Variants in REEP5 observed in about 807,000 individuals in gnomAD.
REEP5 encodes the protein receptor expression-enhancing protein 5.
REEP5 carries 24 observed loss-of-function variants against 22.4 expected under a neutral mutation model. The observed-to-expected ratio is 1.07, with a 90% CI of 0.78 to 1.51. REEP5 has a LOEUF of 1.51. Ranked by LOEUF, REEP5 falls within the 40% of genes most tolerant of loss-of-function variation. REEP5 has a pLI of 0.00. For synonymous variants in REEP5, 103 were observed against 88.6 expected (o/e 1.16, Z -0.92); for missense variants, 252 against 233.0 (o/e 1.08, Z -0.53).
At chr5:112,893,329 G>C in intron 3 of REEP5, 1 of 233,816 alleles carries the variant, frequency 4.3e-6, no homozygotes, top group Non-Finnish European at 8.5e-6. Flanking sequence ...AGAATCGCTT[G>C]AATCTGGAAG....
At chr5:112,891,657 G>C (rs767922349) in intron 3 of REEP5, 1 of 1,610,932 alleles carries the variant, frequency 6.2e-7, no homozygotes, top group South Asian at 1.1e-5. Flanking sequence ...CACTTGAGAA[G>C]ATGACGTTTC....
rs796149854 is a variant in REEP5 at position 112,901,970 on chromosome 5, G to GAA, written c.351+408_351+409dup. 7.4e-5 allele frequency among the ~76,000 whole-genome samples: 5 copies of GAA among 67,506 alleles called. No individual in the cohort carries two copies. The South Asian group carries it at 1.5e-3, about 20-fold the overall frequency. 44.3% of individuals were successfully genotyped at this position (67,506 alleles called of 152,430 possible). On this transcript the variant is annotated intron_variant, in intron 3 of 4. Transcript: ENST00000379638. ...GGAGCAAGACTCCATCTCAAAAAAA[G>GAA]AAAAAAAAAAAAAAAGGCTAAGACC...
chr5:112,921,923 G>A (rs1769381740), intron 1 of REEP5, 150 bp downstream of exon 1: 2 of 1,011,530 alleles, frequency 2.0e-6, no homozygotes, highest in Non-Finnish European at 2.7e-6. Context: ...CACGCTTTCC[G>A]GGAGGCCAGC....
chr5:112,918,929 G>A (rs761034426), intron 2 of REEP5, among the ~76,000 whole-genome samples: 1 of 152,114 alleles, frequency 6.6e-6, no homozygotes, highest in Non-Finnish European at 1.5e-5. Flanking sequence ...CTTACCACAC[G>A]GTCACTACTT....
chr5:112,888,669 A>G (rs1021158669), intron 3 of REEP5, among the ~76,000 whole-genome samples: 1 of 149,712 alleles, frequency 6.7e-6, no homozygotes, highest in African/African-American at 2.5e-5. Context: ...AGTAAAAAGT[A>G]ACTCTTGAAA....
In REEP5 at chr5:112,878,658, C is replaced by A; in HGVS notation, c.*128G>T. On this transcript the variant is annotated 3_prime_UTR_variant, in exon 5 of 5. Coordinates refer to ENST00000379638, the MANE Select transcript of REEP5 (RefSeq NM_005669.5). ...AAGCAAAGAAACTTACAACACATTC[C>A]AATCTTTAATATCTCAAAAATGTTT... The A allele has an allele frequency of 7.5e-7, 1 of 1,339,644 alleles. No individual in the cohort carries two copies. Among genetic ancestry groups the A allele is most frequent in the Non-Finnish European group, 1.0e-6 (1 of 978,554 alleles). 83.0% of individuals were successfully genotyped at this position (1,339,644 alleles called of 1,614,324 possible). A position where few individuals can be genotyped will look rare whatever the true frequency, so the allele number is the denominator to read the frequency against.
intron 3 of REEP5, among the ~76,000 whole-genome samples, chr5:112,899,404 G>A (rs1201531887): frequency 2.0e-5 from 3 of 151,998 alleles, no homozygotes; most frequent in East Asian, 3.9e-4. Flanking sequence ...CTTGGCCTCC[G>A]AGTATGCTGG....
intron 3 of REEP5, among the ~76,000 whole-genome samples, chr5:112,901,825 T>C (rs1768854446): frequency 6.6e-6 from 1 of 151,700 alleles, no homozygotes; most frequent in African/African-American, 2.4e-5. Context: ...TAGCCAAGCA[T>C]GGTGGTGGGC....
intron 3 of REEP5, among the ~76,000 whole-genome samples, chr5:112,899,770 CTGT>C (rs1768801657): frequency 6.6e-6 from 1 of 152,168 alleles, no homozygotes; most frequent in Admixed American, 6.5e-5. Flanking sequence ...TACCACTAGG[CTGT>C]TAAGTATCCC....
At position 112,922,021 on chromosome 5, in the gene REEP5, GCAGCGGCGGCTCCCGTGGCCCTAC is replaced by G. The variant is rs1226677714; in HGVS notation, c.118+28_118+51del. 23 of 1,553,026 alleles carry G rather than the reference GCAGCGGCGGCTCCCGTGGCCCTAC, an allele frequency of 1.5e-5. No homozygotes were observed. The African/African-American group carries it at 2.4e-4, about 16-fold the overall frequency. ...CCTGCTTCCTTCCCCAGCAGCTGGG[GCAGCGGCGGCTCCCGTGGCCCTAC>G]CAGCGGCGGCGACCCCCGGCCACCC... On this transcript the variant is annotated intron_variant, in intron 1 of 4. Coordinates refer to ENST00000379638, the MANE Select transcript of REEP5 (RefSeq NM_005669.5).
intron 2 of REEP5, among the ~76,000 whole-genome samples, chr5:112,915,389 C>A (rs887818944): frequency 6.6e-6 from 1 of 152,184 alleles, no homozygotes; most frequent in Non-Finnish European, 1.5e-5. Flanking sequence ...CGAACCTTAA[C>A]TGAAACGCTG....
chr5:112,919,605 G>A (rs551855331), intron 2 of REEP5, among the ~76,000 whole-genome samples: 2 of 152,138 alleles, frequency 1.3e-5, no homozygotes, highest in Non-Finnish European at 2.9e-5. Flanking sequence ...CTGCCCTCAT[G>A]CATGGGATTC....
intron 2 of REEP5, among the ~76,000 whole-genome samples, chr5:112,920,361 G>C (rs1769328265): frequency 6.6e-6 from 1 of 152,040 alleles, no homozygotes; most frequent in Non-Finnish European, 1.5e-5. Context: ...AAGTAGCAGA[G>C]ACCAACTGAA....
At chr5:112,891,074 T>A (rs1308810009) in intron 3 of REEP5, among the ~76,000 whole-genome samples, 1 of 150,126 alleles carries the variant, frequency 6.7e-6, no homozygotes, top group Non-Finnish European at 1.5e-5. Flanking sequence ...AAATATTTAT[T>A]TTTATTTTTT....
At chr5:112,917,835 T>G (rs1769263844) in intron 2 of REEP5, among the ~76,000 whole-genome samples, 1 of 152,180 alleles carries the variant, frequency 6.6e-6, no homozygotes, top group African/African-American at 2.4e-5. Context: ...GATTAGTGGT[T>G]TCCAGGGGCT....
intron 3 of REEP5, chr5:112,894,665 AG>A (rs1768624186): frequency 6.6e-6 from 1 of 152,220 alleles, no homozygotes; most frequent in Non-Finnish European, 1.5e-5. Flanking sequence ...TTTGGAGAGC[AG>A]CAAGTGTTTT....
At chr5:112,891,465 T>C (rs1768445030) in intron 3 of REEP5, 3 of 814,196 alleles carry the variant, frequency 3.7e-6, no homozygotes, top group African/African-American at 3.5e-5. Flanking sequence ...AACTGCAATA[T>C]AAAGGAGAAA....
chr5:112,892,183 A>T, intron 3 of REEP5: 1 of 1,614,238 alleles, frequency 6.2e-7, no homozygotes, highest in Non-Finnish European at 8.5e-7. Flanking sequence ...CTTCTACAGT[A>T]AAACAGGAGC....
Position 112,887,339 on chromosome 5 carries a change from C to G in REEP5, c.352-156G>C, listed in dbSNP as rs565007577. ...TTTCTGCAGGTTAAAGGTGGGCTTTCTTTAGATGGAAAAAACATGATGAGT... is the reference window on the plus strand; with the variant it reads ...TTTCTGCAGGTTAAAGGTGGGCTTTGTTTAGATGGAAAAAACATGATGAGT... On this transcript the variant is annotated intron_variant, in intron 3 of 4. Coordinates refer to ENST00000379638, the MANE Select transcript of REEP5 (RefSeq NM_005669.5). Among the ~76,000 whole-genome samples, 3 of 152,186 alleles carry G rather than the reference C, an allele frequency of 2.0e-5. No homozygotes were observed. In the South Asian group the frequency reaches 6.2e-4, roughly 32 times the overall value.
Sources: gnomAD v4.1 joint callset for allele counts (sites outside exome capture counted in the v4.1 genomes callset) on GRCh38, gnomAD v4.1.1 for gene constraint, MANE v1.5 for transcripts, NCBI Gene and HGNC (gene_info 2026-07-23, HGNC 2026-07-21) for gene names.